The following SLC25A13 variants were observed in gnomAD, a reference collection of about 807,000 sequenced individuals.
The protein encoded by SLC25A13 is electrogenic aspartate/glutamate antiporter SLC25A13, mitochondrial.
SLC25A13 carries 70 observed loss-of-function variants against 85.5 expected under a neutral mutation model. The ratio of observed to expected loss-of-function variants is 0.82; its 90% confidence interval spans 0.68 to 1.00. The LOEUF (loss-of-function observed/expected upper bound fraction) is 1.00. Ranked by LOEUF, SLC25A13 falls within the 50% of genes least tolerant of loss-of-function variation. SLC25A13 has a pLI of 0.00. For synonymous variants in SLC25A13, 259 were observed against 288.7 expected, an observed-to-expected ratio of 0.90 and a Z score of 1.04; for missense variants, 765 against 819.8, an observed-to-expected ratio of 0.93 and a Z score of 0.82.
intron 14 of SLC25A13, among the ~76,000 whole-genome samples, chr7:96,137,858 T>C (rs1792349737): frequency 6.6e-6 from 1 of 152,204 alleles, no homozygotes; most frequent in Admixed American, 6.5e-5. Flanking sequence ...CTTTTGACCT[T>C]GTGATCTGCC....
rs377325226 is a variant in SLC25A13, at chr7:96,171,537, A to G, written c.1178-13T>C. The stretch of plus-strand genomic sequence containing the variant: ...TGTGGCAACAGACCTAAAAATCAAC[A>G]AAAAGTAGAAGTATATTAAATAAAT... On this transcript the variant is annotated splice_polypyrimidine_tract_variant and intron_variant, in intron 11 of 17. Transcript: ENST00000265631. 29 of 1,605,538 alleles carry G rather than the reference A, an allele frequency of 1.8e-5. No homozygotes were observed. The African/African-American group carries it at 2.8e-4, about 16-fold the overall frequency.
intron 2 of SLC25A13, among the ~76,000 whole-genome samples, chr7:96,290,792 A>T (rs1296834050): frequency 1.3e-5 from 2 of 152,154 alleles, no homozygotes; most frequent in Non-Finnish European, 2.9e-5. Flanking sequence ...GTCCTGAGTG[A>T]CCTACAAAGA....
chr7:96,309,946 G>C (rs1411296544), intron 1 of SLC25A13, among the ~76,000 whole-genome samples: 1 of 152,080 alleles, frequency 6.6e-6, no homozygotes, highest in African/African-American at 2.4e-5. Flanking sequence ...CAATAAGACT[G>C]GTGTCCTTAT....
At chr7:96,191,036 AG>A in intron 7 of SLC25A13, 72 bp downstream of exon 7, 1 of 1,526,062 alleles carries the variant, frequency 6.6e-7, no homozygotes, top group Non-Finnish European at 9.1e-7. Flanking sequence ...ATAAAGTACT[AG>A]TTGCCTTCTT....
intron 13 of SLC25A13, among the ~76,000 whole-genome samples, chr7:96,147,136 G>C (rs1008127962): frequency 6.8e-6 from 1 of 147,966 alleles, no homozygotes; most frequent in South Asian, 2.1e-4. Context: ...AGAACAGAAC[G>C]GGGACTAGGA....
chr7:96,164,741 CACACAA>C (rs1793674842), intron 13 of SLC25A13, among the ~76,000 whole-genome samples: 1 of 151,974 alleles, frequency 6.6e-6, no homozygotes, highest in Non-Finnish European at 1.5e-5. Flanking sequence ...CACACACACA[CACACAA>C]AAGAAGCAGC....
At chr7:96,228,649 A>T (rs1454340379) in intron 4 of SLC25A13, among the ~76,000 whole-genome samples, 1 of 152,112 alleles carries the variant, frequency 6.6e-6, no homozygotes, top group Non-Finnish European at 1.5e-5. Flanking sequence ...GCACTGTGGG[A>T]GCCCCTCTCT....
intron 8 of SLC25A13, 72 bp downstream of exon 8, chr7:96,189,509 T>A: frequency 6.5e-7 from 1 of 1,545,218 alleles, no homozygotes; most frequent in African/African-American, 1.4e-5. Context: ...CTTTTTCTCC[T>A]GATTGCTGCC....
chr7:96,266,553 T>C (rs1444459161), intron 3 of SLC25A13, among the ~76,000 whole-genome samples: 2 of 152,086 alleles, frequency 1.3e-5, no homozygotes, highest in Non-Finnish European at 2.9e-5. Context: ...TCTGTACATA[T>C]GAATGAGAAG....
At chr7:96,260,013 A>G (rs1797786611) in intron 3 of SLC25A13, among the ~76,000 whole-genome samples, 1 of 145,452 alleles carries the variant, frequency 6.9e-6, no homozygotes, top group African/African-American at 2.5e-5. Flanking sequence ...ATGAGAACAT[A>G]TGCGCACAAG....
intron 13 of SLC25A13, chr7:96,169,740 A>G (rs1321267744): frequency 2.5e-6 from 1 of 398,172 alleles, no homozygotes; most frequent in Non-Finnish European, 4.5e-6. Context: ...TAACTTTAGA[A>G]AAGGTTAGCA....
intron 2 of SLC25A13, among the ~76,000 whole-genome samples, chr7:96,294,095 C>T (rs1799244461): frequency 6.6e-6 from 1 of 152,158 alleles, no homozygotes; most frequent in Non-Finnish European, 1.5e-5. Flanking sequence ...GAATACTATG[C>T]AGCCATAAAA....
At chr7:96,274,942 T>A (rs962424846) in intron 3 of SLC25A13, among the ~76,000 whole-genome samples, 1 of 152,216 alleles carries the variant, frequency 6.6e-6, no homozygotes. Context: ...TCAGGTAGCA[T>A]GATGCCTCCA....
chr7:96,216,123 T>C (rs1795891611), intron 4 of SLC25A13, among the ~76,000 whole-genome samples: 1 of 149,476 alleles, frequency 6.7e-6, no homozygotes, highest in Admixed American at 6.7e-5. Context: ...GCCATTCCAT[T>C]CCAGCCTGGG....
chr7:96,275,742 C>A (rs1225624163), intron 3 of SLC25A13, among the ~76,000 whole-genome samples: 1 of 143,908 alleles, frequency 6.9e-6, no homozygotes, highest in South Asian at 2.5e-4. Context: ...GTTGTGGGGT[C>A]GGGGGAGTGG....
chr7:96,210,721 T>C (rs974441138), intron 4 of SLC25A13, among the ~76,000 whole-genome samples: 2 of 152,112 alleles, frequency 1.3e-5, no homozygotes, highest in Non-Finnish European at 2.9e-5. Context: ...CTAATCTAGA[T>C]GAATAAATTA....
At chr7:96,213,557 G>A (rs763798114) in intron 4 of SLC25A13, among the ~76,000 whole-genome samples, 11 of 152,062 alleles carry the variant, frequency 7.2e-5, no homozygotes, top group African/African-American at 2.4e-4. Context: ...CACCAAACCC[G>A]TACCATTCCC....
intron 14 of SLC25A13, among the ~76,000 whole-genome samples, chr7:96,141,357 C>T (rs377209809): frequency 6.6e-6 from 1 of 152,150 alleles, no homozygotes; most frequent in East Asian, 1.9e-4. Flanking sequence ...CCCTGTCCTA[C>T]CCAATATACT....
intron 4 of SLC25A13, among the ~76,000 whole-genome samples, chr7:96,226,789 T>A (rs115150152): frequency 0.01 from 1,526 of 152,290 alleles, 28 homozygotes; most frequent in African/African-American, 0.035. Context: ...AGATTTATAA[T>A]TAATATAATG....
Sources: gnomAD v4.1 joint callset for allele counts (sites outside exome capture counted in the v4.1 genomes callset) on GRCh38, gnomAD v4.1.1 for gene constraint, MANE v1.5 for transcripts, NCBI Gene and HGNC (gene_info 2026-07-23, HGNC 2026-07-21) for gene names.